The following EPB41 variants were observed in gnomAD, a reference collection of about 807,000 sequenced individuals.
The protein encoded by EPB41 is protein 4.1.
Under a neutral mutation model 108.0 loss-of-function variants are expected in EPB41, and 65 were observed. The ratio of observed to expected loss-of-function variants is 0.60; its 90% CI spans 0.49 to 0.74. The LOEUF is 0.74. Ranked by LOEUF, EPB41 falls within the 30% of genes least tolerant of loss-of-function variation. EPB41 has a pLI of 0.00. For missense variants in EPB41, 875 were observed against 1,037.0 expected (o/e 0.84, Z 2.15); for synonymous variants, 336 against 358.9 (o/e 0.94, Z 0.72).
intron 16 of EPB41, among the ~76,000 whole-genome samples, chr1:29,083,280 T>C (rs1657477103): frequency 6.6e-6 from 1 of 152,154 alleles, no homozygotes. Context: ...AAAGACAGAA[T>C]TTTAACATCA....
intron 16 of EPB41, among the ~76,000 whole-genome samples, chr1:29,090,254 CA>C (rs1205413301): frequency 6.6e-6 from 1 of 152,026 alleles, no homozygotes; most frequent in African/African-American, 2.4e-5. Flanking sequence ...AGAGCTTGAA[CA>C]AAGGTAGTAA....
At chr1:29,064,346 C>G (rs1447017062) in intron 15 of EPB41, among the ~76,000 whole-genome samples, 1 of 152,140 alleles carries the variant, frequency 6.6e-6, no homozygotes, top group Admixed American at 6.5e-5. Flanking sequence ...GAGGTAGTAA[C>G]AGTCTGCTCT....
intron 11 of EPB41, among the ~76,000 whole-genome samples, chr1:29,048,061 G>A (rs980294517): frequency 6.6e-6 from 1 of 152,050 alleles, no homozygotes; most frequent in Non-Finnish European, 1.5e-5. Flanking sequence ...TGGGATTACG[G>A]GCGTGAGTGA....
At chr1:28,921,798 A>C (rs1038522957) in intron 1 of EPB41, among the ~76,000 whole-genome samples, 1 of 151,224 alleles carries the variant, frequency 6.6e-6, no homozygotes, top group Non-Finnish European at 1.5e-5. Context: ...GCTCTTTGTG[A>C]GGTTATTTTT....
intron 17 of EPB41, among the ~76,000 whole-genome samples, chr1:29,101,833 G>A (rs1277548397): frequency 1.3e-5 from 2 of 152,154 alleles, no homozygotes; most frequent in African/African-American, 2.4e-5. Context: ...CCAGGAGTTC[G>A]AGGCTGCAGT....
chr1:29,051,664 A>C (rs1644535861), intron 11 of EPB41, among the ~76,000 whole-genome samples: 1 of 152,092 alleles, frequency 6.6e-6, no homozygotes, highest in African/African-American at 2.4e-5. Flanking sequence ...TGGGAGGCCA[A>C]GGCAGGCAGA....
rs138490094 is a variant in EPB41, at chr1:29,091,304, CA to C, written c.2185-6500del. Among the ~76,000 whole-genome samples, 633 of 152,238 alleles carry C rather than the reference CA, an allele frequency of 4.2e-3. 2 individuals are homozygous for C. The highest frequency in any genetic ancestry group is 0.014 in the African/African-American group (601 of 41,536). On this transcript the variant is annotated intron_variant, in intron 16 of 20. Transcript: ENST00000343067. The stretch of plus-strand genomic sequence containing the variant: ...TTGTGACAAATTATTTGAAGAAGCC[CA>C]AAGTTCCTCTCCATGTGAATGGGTT...
chr1:28,961,448 A>G (rs980151952), intron 1 of EPB41, among the ~76,000 whole-genome samples: 4 of 152,228 alleles, frequency 2.6e-5, no homozygotes, highest in African/African-American at 9.6e-5. Flanking sequence ...ACTAAAGCTT[A>G]AGATCATTGA....
intron 1 of EPB41, among the ~76,000 whole-genome samples, chr1:28,909,317 A>G (rs2092090192): frequency 6.6e-6 from 1 of 152,118 alleles, no homozygotes; most frequent in Non-Finnish European, 1.5e-5. Flanking sequence ...GTACACAAAT[A>G]AGAAGCTAGG....
At chr1:28,950,749 TAAAA>T (rs1221529857) in intron 1 of EPB41, among the ~76,000 whole-genome samples, 1 of 152,116 alleles carries the variant, frequency 6.6e-6, no homozygotes, top group African/African-American at 2.4e-5. Flanking sequence ...TGTTTCCAAC[TAAAA>T]GGCCACATTT....
chr1:28,958,849 A>G (rs948814944), intron 1 of EPB41, among the ~76,000 whole-genome samples: 2 of 151,844 alleles, frequency 1.3e-5, no homozygotes, highest in African/African-American at 2.4e-5. Context: ...AAGAAAGAAA[A>G]AAGAGAATAA....
chr1:28,971,715 G>A (rs1313114391), intron 1 of EPB41, among the ~76,000 whole-genome samples: 4 of 152,266 alleles, frequency 2.6e-5, no homozygotes, highest in Non-Finnish European at 5.9e-5. Context: ...TTCTGAAAGA[G>A]CTAATCATCA....
chr1:28,943,241 C>T (rs1172410485), intron 1 of EPB41, among the ~76,000 whole-genome samples: 1 of 152,024 alleles, frequency 6.6e-6, no homozygotes, highest in Non-Finnish European at 1.5e-5. Flanking sequence ...CAAAACTAAT[C>T]GAGTCAAAAA....
intron 1 of EPB41, among the ~76,000 whole-genome samples, chr1:28,956,865 T>C (rs531665822): frequency 6.6e-6 from 1 of 152,212 alleles, no homozygotes; most frequent in Non-Finnish European, 1.5e-5. Flanking sequence ...TAGAGTTTAA[T>C]GTAATGCTGG....
chr1:28,992,642 T>A (rs1459979426), intron 2 of EPB41, among the ~76,000 whole-genome samples: 1 of 152,136 alleles, frequency 6.6e-6, no homozygotes, highest in Non-Finnish European at 1.5e-5. Flanking sequence ...TAAGCCGAGA[T>A]CGCGCCACTG....
At chr1:28,924,595 C>T (rs1447773877) in intron 1 of EPB41, among the ~76,000 whole-genome samples, 1 of 152,156 alleles carries the variant, frequency 6.6e-6, no homozygotes, top group African/African-American at 2.4e-5. Context: ...ATTCTTCATC[C>T]ACAGAAACTG....
At chr1:29,006,488 G>A (rs1362958072) in intron 4 of EPB41, among the ~76,000 whole-genome samples, 1 of 151,852 alleles carries the variant, frequency 6.6e-6, no homozygotes, top group Non-Finnish European at 1.5e-5. Flanking sequence ...CCACCCGCCT[G>A]GGCCTGCCAG....
chr1:28,976,670 T>A (rs542252604), intron 1 of EPB41, among the ~76,000 whole-genome samples: 1 of 150,776 alleles, frequency 6.6e-6, no homozygotes, highest in South Asian at 2.1e-4. Context: ...TTTTAAACGG[T>A]AGCTCTTTTC....
intron 16 of EPB41, chr1:29,068,729 C>G (rs1649727423): frequency 8.1e-7 from 1 of 1,231,730 alleles, no homozygotes; most frequent in African/African-American, 1.6e-5. Context: ...TTGTGTATGA[C>G]CAGGTGAAGA....
Sources: gnomAD v4.1 joint callset for allele counts (sites outside exome capture counted in the v4.1 genomes callset) on GRCh38, gnomAD v4.1.1 for gene constraint, MANE v1.5 for transcripts, NCBI Gene and HGNC (gene_info 2026-07-23, HGNC 2026-07-21) for gene names.